Variants in BNC2 observed in about 807,000 individuals in gnomAD.
BNC2 encodes the protein zinc finger protein basonuclin-2.
In BNC2, 20 loss-of-function variants were observed where a neutral mutation model predicts 76.3. The observed-to-expected ratio is 0.26, with a 90% CI of 0.18 to 0.38. The LOEUF (loss-of-function observed/expected upper bound fraction) is 0.38, where lower values mean the gene tolerates loss of function less well. BNC2 is among the 10% of genes least tolerant of loss of function. The pLI is 1.00. For missense variants in BNC2, 1,382 were observed against 1,399.8 expected, an observed-to-expected ratio of 0.99 and a Z score of 0.20; for synonymous variants, 582 against 514.8, an observed-to-expected ratio of 1.13 and a Z score of -1.77.
At chr9:16,438,109 C>CTT (rs367974553) in intron 5 of BNC2, among the ~76,000 whole-genome samples, 33 of 149,160 alleles carry the variant, frequency 2.2e-4, no homozygotes, top group South Asian at 4.2e-4. Flanking sequence ...TAAACTGTAT[C>CTT]TTTTTTTTTT....
intron 1 of BNC2, among the ~76,000 whole-genome samples, chr9:16,763,864 T>C (rs1273572200): frequency 2.0e-5 from 3 of 152,192 alleles, no homozygotes. Flanking sequence ...CAACACCTAG[T>C]GTTTGAAAAC....
chr9:16,648,608 T>G (rs936822994), intron 3 of BNC2, among the ~76,000 whole-genome samples: 3 of 152,188 alleles, frequency 2.0e-5, no homozygotes, highest in Non-Finnish European at 4.4e-5. Context: ...CATGACATGT[T>G]TAATAACATA....
intron 5 of BNC2, among the ~76,000 whole-genome samples, chr9:16,481,136 T>C (rs1197557919): frequency 6.6e-6 from 1 of 152,136 alleles, no homozygotes; most frequent in Non-Finnish European, 1.5e-5. Context: ...TTTGTGTCCA[T>C]ACTCTGTATC....
chr9:16,554,527 GAATA>G (rs1362832894), intron 4 of BNC2, among the ~76,000 whole-genome samples: 1 of 152,142 alleles, frequency 6.6e-6, no homozygotes, highest in African/African-American at 2.4e-5. Flanking sequence ...AGTCAACTTT[GAATA>G]AATAGCCTTA....
chr9:16,536,505 C>G (rs1010061437), intron 5 of BNC2, among the ~76,000 whole-genome samples: 1 of 152,132 alleles, frequency 6.6e-6, no homozygotes, highest in African/African-American at 2.4e-5. Flanking sequence ...AAAAACACAG[C>G]CTTTTGTTTT....
chr9:16,634,370 T>C (rs921759158), intron 3 of BNC2, among the ~76,000 whole-genome samples: 1 of 152,184 alleles, frequency 6.6e-6, no homozygotes, highest in Non-Finnish European at 1.5e-5. Context: ...TTTCTCAAAA[T>C]ACAGTTGTCA....
intron 1 of BNC2, among the ~76,000 whole-genome samples, chr9:16,827,051 T>A (rs902835934): frequency 6.6e-6 from 1 of 152,220 alleles, no homozygotes; most frequent in Non-Finnish European, 1.5e-5. Context: ...ATTTAAGCGA[T>A]GTTACCAATT....
intron 1 of BNC2, among the ~76,000 whole-genome samples, chr9:16,783,748 T>C (rs1454685650): frequency 1.3e-5 from 2 of 152,200 alleles, no homozygotes; most frequent in East Asian, 1.9e-4. Context: ...CTTTCTTCCA[T>C]GCTGTCTAGA....
At chr9:16,701,650 G>C (rs1274324654) in intron 3 of BNC2, among the ~76,000 whole-genome samples, 2 of 152,022 alleles carry the variant, frequency 1.3e-5, no homozygotes, top group Non-Finnish European at 2.9e-5. Context: ...ACTAAATAAA[G>C]ACCATCTACA....
rs569040921 is a variant in BNC2, at chr9:16,551,110, G to C, written c.669+1420C>G. 2.0e-5 allele frequency among the ~76,000 whole-genome samples: 3 copies of C among 152,170 alleles called. No individual in the cohort carries two copies. In the South Asian group the frequency reaches 6.2e-4, roughly 32 times the overall value. ...GAAATGTCCCCATCCTGAGGCAAATGAGATAATGCTTGTAAACATTCTGTA... is the reference window on the plus strand; with the variant it reads ...GAAATGTCCCCATCCTGAGGCAAATCAGATAATGCTTGTAAACATTCTGTA... On this transcript the variant is annotated intron_variant, in intron 5 of 6. Transcript: ENST00000380672.
chr9:16,867,730 T>C (rs1006539493), intron 1 of BNC2: 1 of 112,888 alleles, frequency 8.9e-6, no homozygotes, highest in Non-Finnish European at 1.6e-5. Context: ...CAGTGTCCAA[T>C]TTCTTCTTTT....
intron 3 of BNC2, among the ~76,000 whole-genome samples, chr9:16,725,589 CATA>C (rs1824291604): frequency 6.6e-6 from 1 of 152,040 alleles, no homozygotes; most frequent in South Asian, 2.1e-4. Flanking sequence ...TCATAAATAG[CATA>C]ATATTATACA....
intron 3 of BNC2, among the ~76,000 whole-genome samples, chr9:16,590,095 C>T (rs1819882833): frequency 6.6e-6 from 1 of 151,324 alleles, no homozygotes; most frequent in African/African-American, 2.4e-5. Context: ...CCGGTCTCTA[C>T]AAAAAATATA....
chr9:16,655,838 A>G (rs1821913916), intron 3 of BNC2, among the ~76,000 whole-genome samples: 1 of 152,200 alleles, frequency 6.6e-6, no homozygotes, highest in Admixed American at 6.5e-5. Flanking sequence ...TGGCATGCAC[A>G]GTCAGGCAGC....
At chr9:16,657,417 AT>A (rs1308219985) in intron 3 of BNC2, among the ~76,000 whole-genome samples, 1 of 152,232 alleles carries the variant, frequency 6.6e-6, no homozygotes, top group Non-Finnish European at 1.5e-5. Context: ...CTTCTACAAT[AT>A]GCTTCAGATG....
intron 3 of BNC2, chr9:16,704,709 C>G (rs1318615301): frequency 2.8e-5 from 1 of 35,180 alleles, no homozygotes; most frequent in African/African-American, 5.8e-5. Context: ...AAAAAAAAAG[C>G]CAGTGAAAAA....
chr9:16,787,622 G>A (rs758398647), intron 1 of BNC2, among the ~76,000 whole-genome samples: 2 of 152,286 alleles, frequency 1.3e-5, no homozygotes, highest in East Asian at 3.9e-4. Context: ...GGTACCTTTT[G>A]AGTGTATTTT....
intron 4 of BNC2, among the ~76,000 whole-genome samples, chr9:16,576,909 TG>T (rs1274906870): frequency 6.6e-6 from 1 of 152,184 alleles, no homozygotes; most frequent in Admixed American, 6.5e-5. Context: ...AGCTAATTTT[TG>T]TATTTTTAGT....
chr9:16,638,499 C>CA (rs796783309), intron 3 of BNC2, among the ~76,000 whole-genome samples: 1 of 151,994 alleles, frequency 6.6e-6, no homozygotes, highest in Non-Finnish European at 1.5e-5. Flanking sequence ...GTTAAACACC[C>CA]AAAAAAAGTC....
Sources: allele counts gnomAD v4.1 joint callset (sites outside exome capture counted in the v4.1 genomes callset), GRCh38; gene constraint gnomAD v4.1.1; transcripts MANE v1.5; gene names NCBI Gene and HGNC (gene_info 2026-07-23, HGNC 2026-07-21).